Variants in SS18L1 observed in about 807,000 individuals in gnomAD.
SS18L1 encodes SS18L1 subunit of BAF chromatin remodeling complex, also known as calcium-responsive transactivator.
SS18L1 carries 32 observed loss-of-function variants against 70.3 expected under a neutral mutation model. The ratio of observed to expected loss-of-function variants is 0.46; its 90% CI spans 0.34 to 0.61. SS18L1 has a LOEUF of 0.61. Ranked by LOEUF, SS18L1 falls within the 20% of genes least tolerant of loss-of-function variation. SS18L1 has a pLI of 0.01. For missense variants in SS18L1, 430 were observed against 542.1 expected, an observed-to-expected ratio of 0.79 and a Z score of 2.05; for synonymous variants, 237 against 229.7, an observed-to-expected ratio of 1.03 and a Z score of -0.29.
At position 62,179,367 on chromosome 20, in the gene SS18L1, G is replaced by T. The variant is rs566988897; in HGVS notation, c.*159G>T. ...CTCATTTCATGCTGGGTATGACGCC[G>T]AGCGCACACCACTGGCGTGAGACAG... On this transcript the variant is annotated 3_prime_UTR_variant, in exon 11 of 11. Transcript: ENST00000331758. 16 of 756,900 alleles carry T rather than the reference G, an allele frequency of 2.1e-5. No homozygotes were observed. The South Asian group carries it at 2.5e-4, about 12-fold the overall frequency. The allele number at this position is 756,900 out of a possible 1,614,324, so 46.9% of individuals were successfully genotyped here.
intron 8 of SS18L1, among the ~76,000 whole-genome samples, chr20:62,168,337 C>G (rs1418909856): frequency 6.6e-6 from 1 of 152,174 alleles, no homozygotes; most frequent in Admixed American, 6.5e-5. Context: ...GCAGGTGGTA[C>G]TGTGAAGTCT....
chr20:62,168,393 C>T (rs1045164977), intron 8 of SS18L1, among the ~76,000 whole-genome samples: 2 of 152,120 alleles, frequency 1.3e-5, no homozygotes, highest in Non-Finnish European at 2.9e-5. Context: ...AAGAGATTGG[C>T]GGATGTGTCA....
intron 1 of SS18L1, among the ~76,000 whole-genome samples, chr20:62,151,480 A>G (rs2057128165): frequency 6.6e-6 from 1 of 152,156 alleles, no homozygotes; most frequent in Non-Finnish European, 1.5e-5. Flanking sequence ...CCTGACCAAC[A>G]GAGACACGTT....
chr20:62,172,967 C>A (rs573875167), intron 9 of SS18L1, among the ~76,000 whole-genome samples, 166 bp downstream of exon 9: 2 of 152,258 alleles, frequency 1.3e-5, no homozygotes, highest in Non-Finnish European at 2.9e-5. Flanking sequence ...CACCCCTGCC[C>A]CTGCCACATG....
chr20:62,150,633 A>ATTTTTTTTTTTTTTTTTTTTTTTTT (rs34708339), intron 1 of SS18L1, among the ~76,000 whole-genome samples: 1 of 58,052 alleles, frequency 1.7e-5, no homozygotes, highest in Non-Finnish European at 3.5e-5. Context: ...ATTGAGGTGG[A>ATTTTTTTTTTTTTTTTTTTTTTTTT]TTTTTTTTTT....
chr20:62,178,561 C>T (rs2057660997), intron 10 of SS18L1, among the ~76,000 whole-genome samples: 3 of 152,074 alleles, frequency 2.0e-5, no homozygotes, highest in Admixed American at 2.0e-4. Flanking sequence ...CTCCCAAATT[C>T]AGATTTGTTT....
Position 62,159,907 on chromosome 20 carries a change from A to G in SS18L1, c.177A>G (p.Val59=), listed in dbSNP as rs369460722. ...QYQQILHRNL[V]YLATIADSNQ... is the part of the protein sequence containing the mutation. ...AGCAGATCCTGCACCGGAACCTGGTATACCTGGCCACGATCGCAGACTCCA... is the reference window on the plus strand; with the variant it reads ...AGCAGATCCTGCACCGGAACCTGGTGTACCTGGCCACGATCGCAGACTCCA... The change falls in exon 3 of 11, where the codon GTA becomes GTG. Residue 59 remains valine (V), a synonymous_variant. Coordinates refer to ENST00000331758, the MANE Select transcript of SS18L1 (RefSeq NM_198935.3). The surrounding 1 kb of genome is among the most constrained non-coding windows in gnomAD (Gnocchi z 4.4). The G allele has an allele frequency of 5.6e-6, 9 of 1,612,534 alleles. No individual in the cohort carries two copies. Among genetic ancestry groups the G allele is most frequent in the Non-Finnish European group, 7.6e-6 (9 of 1,179,900 alleles).
chr20:62,169,216 A>G (rs1568760011), intron 8 of SS18L1, among the ~76,000 whole-genome samples: 1 of 152,218 alleles, frequency 6.6e-6, no homozygotes, highest in Non-Finnish European at 1.5e-5. Flanking sequence ...AAAGCCAAGT[A>G]TGGAGCTGGG....
At chr20:62,149,280 C>T (rs1468921557) in intron 1 of SS18L1, among the ~76,000 whole-genome samples, 3 of 152,244 alleles carry the variant, frequency 2.0e-5, no homozygotes, top group African/African-American at 4.8e-5. Context: ...CAGGTCTTCC[C>T]GCCTGGTTCG....
chr20:62,175,160 C>A, intron 10 of SS18L1: 1 of 902,268 alleles, frequency 1.1e-6, no homozygotes, highest in Non-Finnish European at 1.3e-6. Flanking sequence ...TGGCTGGCAG[C>A]CCCAGGCTCA....
At chr20:62,160,085 A>G in intron 3 of SS18L1, 124 bp downstream of exon 3, 1 of 956,726 alleles carries the variant, frequency 1.0e-6, no homozygotes, top group Non-Finnish European at 1.6e-6. Flanking sequence ...AAATACCACT[A>G]GAGCCACCAG....
chr20:62,177,824 C>A (rs962150819), intron 10 of SS18L1, among the ~76,000 whole-genome samples: 2 of 150,574 alleles, frequency 1.3e-5, no homozygotes. Flanking sequence ...CGGGTTCTAG[C>A]AATTCTCCTG....
intron 10 of SS18L1, chr20:62,175,176 G>T (rs951522483): frequency 1.1e-6 from 1 of 946,994 alleles, no homozygotes; most frequent in African/African-American, 1.8e-5. Context: ...GCTCAGCCTA[G>T]GGAGGGGGAA....
At chr20:62,176,128 T>G (rs558717748) in intron 10 of SS18L1, among the ~76,000 whole-genome samples, 1 of 152,364 alleles carries the variant, frequency 6.6e-6, no homozygotes, top group East Asian at 1.9e-4. Flanking sequence ...CTTCATACAG[T>G]CCTGAAAATA....
In SS18L1 at chr20:62,171,494, G is replaced by A. The variant is rs117254149; in HGVS notation, c.917-1188G>A. On this transcript the variant is annotated intron_variant, in intron 8 of 10. Coordinates refer to ENST00000331758, the MANE Select transcript of SS18L1 (RefSeq NM_198935.3). ...TGGAAAGGCTCAAGTAAGTTTTTCC[G>A]AAGCTCTCGCCTTAGGAGGAGTTCA... is the stretch of plus-strand genomic sequence containing the variant. 1.3e-3 allele frequency among the ~76,000 whole-genome samples: 195 copies of A among 152,288 alleles called. 4 individuals carry two copies. The East Asian group carries it at 0.036, about 28-fold the overall frequency.
rs2057267301 is a variant in SS18L1 at position 62,158,664 on chromosome 20, C to G, written c.70-8C>G. The G allele has an allele frequency of 6.2e-7, 1 of 1,612,206 alleles. No individual in the cohort carries two copies. The highest frequency in any genetic ancestry group is 8.5e-7 in the Non-Finnish European group (1 of 1,179,972). Reference sequence around the variant, plus strand: ...CGTCGGCAGCGCCCGCTCACGCTCTCTCCGCAGATGCTGGACGAGAACCAC... The same window carrying G: ...CGTCGGCAGCGCCCGCTCACGCTCTGTCCGCAGATGCTGGACGAGAACCAC... On this transcript the variant is annotated splice_polypyrimidine_tract_variant and splice_region_variant and intron_variant, in intron 1 of 10. Coordinates refer to ENST00000331758, the MANE Select transcript of SS18L1 (RefSeq NM_198935.3). This position sits in a 1 kb window ranked among gnomAD's most constrained non-coding sequence, Gnocchi z 4.5.
At chr20:62,179,091 C>T in intron 10 of SS18L1, 91 bp from the exon 11 acceptor site, 10 of 1,419,048 alleles carry the variant, frequency 7.0e-6, no homozygotes, top group Non-Finnish European at 9.9e-6. Context: ...TTGCTGTTGT[C>T]CCTCCTACCC....
intron 10 of SS18L1, among the ~76,000 whole-genome samples, chr20:62,176,646 C>G (rs2057624786): frequency 6.6e-6 from 1 of 152,110 alleles, no homozygotes; most frequent in Non-Finnish European, 1.5e-5. Context: ...GAAACCCCAT[C>G]TCTGCTAAAA....
Position 62,172,709 on chromosome 20 carries a change from C to T in SS18L1, c.944C>T (p.Ala315Val). The change falls in exon 9 of 11, where the codon GCC becomes GTC. Residue 315 changes from alanine to valine, a missense_variant. Coordinates refer to ENST00000331758, the MANE Select transcript of SS18L1 (RefSeq NM_198935.3). ...AACTCCCAGTACAGCCAGCAGCAGG[C>T]CGGGTACCAGCAGGGTGCCGCGCAG... ...GGNSQYSQQQ[A>V]GYQQGAAQQQ... The T allele has an allele frequency of 6.2e-7, 1 of 1,614,110 alleles. No individual in the cohort carries two copies.
Sources: allele counts gnomAD v4.1 joint callset (sites outside exome capture counted in the v4.1 genomes callset), GRCh38; gene constraint gnomAD v4.1.1; non-coding constraint Gnocchi (gnomAD v3.1); transcripts MANE v1.5; gene names NCBI Gene and HGNC (gene_info 2026-07-23, HGNC 2026-07-21).